The following ZBTB20 variants were observed in gnomAD, a reference collection of about 807,000 sequenced individuals.
The protein encoded by ZBTB20 is zinc finger and BTB domain containing 20, also known as zinc finger and BTB domain-containing protein 20.
In ZBTB20, 9 loss-of-function variants were observed where a neutral mutation model predicts 56.9. The observed-to-expected ratio is 0.16, with a 90% CI of 0.10 to 0.28. The LOEUF (loss-of-function observed/expected upper bound fraction) is 0.28, where lower values mean the gene tolerates loss of function less well. ZBTB20 is among the 10% of genes least tolerant of loss of function. The pLI is 1.00. For synonymous variants in ZBTB20, 417 were observed against 420.7 expected (o/e 0.99, Z 0.11); for missense variants, 655 against 1,003.0 (o/e 0.65, Z 4.69).
intron 5 of ZBTB20, among the ~76,000 whole-genome samples, chr3:114,722,363 C>G (rs1168135064): frequency 6.6e-6 from 1 of 152,122 alleles, no homozygotes; most frequent in Non-Finnish European, 1.5e-5. Context: ...AGGCTGTTAC[C>G]TCTGACAGAA....
chr3:114,325,212 C>A lies in ZBTB20; in HGVS notation c.*13793G>T, dbSNP rs752502997. The A allele has an allele frequency of 6.6e-6, 1 of 152,076 alleles. No homozygotes were observed. Among genetic ancestry groups the A allele is most frequent in the African/African-American group, 2.4e-5 (1 of 41,406 alleles). The allele number at this position is 152,076 out of a possible 1,614,324, so 9.4% of individuals were successfully genotyped here. A position where few individuals can be genotyped will look rare whatever the true frequency, so the allele number is the denominator to read the frequency against. On this transcript the variant is annotated 3_prime_UTR_variant, in exon 12 of 12. Coordinates refer to ENST00000675478, the MANE Select transcript of ZBTB20 (RefSeq NM_001348800.3). ...TCAGGAAAACTGAGGTTCAAATCAA[C>A]GGGCCTAAAGAAGAAGTTTAGCAGC...
chr3:114,375,043 A>C (rs1481065874), intron 10 of ZBTB20, among the ~76,000 whole-genome samples: 1 of 152,262 alleles, frequency 6.6e-6, no homozygotes, highest in East Asian at 1.9e-4. Flanking sequence ...AAAGCAAATC[A>C]GAGCCCTGTA....
chr3:115,120,049 A>G (rs900330797), intron 1 of ZBTB20, among the ~76,000 whole-genome samples: 4 of 152,092 alleles, frequency 2.6e-5, no homozygotes, highest in African/African-American at 9.7e-5. Flanking sequence ...TAGGTGGTGG[A>G]CAGATAATTT....
At chr3:114,792,238 A>G (rs1445258401) in intron 5 of ZBTB20, 1 of 152,206 alleles carries the variant, frequency 6.6e-6, no homozygotes, top group Non-Finnish European at 1.5e-5. Flanking sequence ...AAGATTGTTG[A>G]AAACATTTTT....
rs138168459 is a variant in ZBTB20 at position 114,911,442 on chromosome 3, C to T, written c.-455-11100G>A. On this transcript the variant is annotated intron_variant, in intron 3 of 11. Coordinates refer to ENST00000675478, the MANE Select transcript of ZBTB20 (RefSeq NM_001348800.3). ...CTCTCTCAGAGCAGTCCTGCCAGCA[C>T]AGGGAAAAAGAACTCAAAATAATGA... 8.2e-4 allele frequency among the ~76,000 whole-genome samples: 125 copies of T among 152,022 alleles called. 2 individuals are homozygous for T. In the East Asian group the frequency reaches 0.022, roughly 26 times the overall value.
At chr3:115,045,853 T>C (rs2081315232) in intron 2 of ZBTB20, among the ~76,000 whole-genome samples, 1 of 152,184 alleles carries the variant, frequency 6.6e-6, no homozygotes, top group African/African-American at 2.4e-5. Flanking sequence ...TATTTTAAGA[T>C]TCTAAGATTG....
At chr3:114,734,835 C>T (rs1446796495) in intron 5 of ZBTB20, among the ~76,000 whole-genome samples, 1 of 151,932 alleles carries the variant, frequency 6.6e-6, no homozygotes, top group Non-Finnish European at 1.5e-5. Flanking sequence ...AGGTGGGAAC[C>T]AAGCCTAGAC....
intron 7 of ZBTB20, among the ~76,000 whole-genome samples, chr3:114,463,026 AGCCAGTCACACTGGT>A (rs1264420185): frequency 6.6e-6 from 1 of 152,178 alleles, no homozygotes; most frequent in Non-Finnish European, 1.5e-5. Context: ...GTTTCCTCTG[AGCCAGTCACACTGGT>A]GCATCAGGAG....
At chr3:114,501,322 C>T (rs1030202096) in intron 6 of ZBTB20, among the ~76,000 whole-genome samples, 5 of 152,134 alleles carry the variant, frequency 3.3e-5, no homozygotes, top group Non-Finnish European at 7.4e-5. Context: ...TCTGATATTT[C>T]ACTCTTTAAA....
chr3:115,118,703 A>ATTTTTTTT lies in ZBTB20; in HGVS notation c.-703+28508_-703+28515dup, dbSNP rs35607205. Among the ~76,000 whole-genome samples the ATTTTTTTT allele has an allele frequency of 1.8e-3, 151 of 82,216 alleles. 10 individuals are homozygous for ATTTTTTTT. The highest frequency in any genetic ancestry group is 3.7e-3 in the South Asian group (7 of 1,888). The allele number at this position is 82,216 out of a possible 152,430, so 53.9% of individuals were successfully genotyped here. A position where few individuals can be genotyped will look rare whatever the true frequency, so the allele number is the denominator to read the frequency against. On this transcript the variant is annotated intron_variant, in intron 1 of 11. Coordinates refer to ENST00000675478, the MANE Select transcript of ZBTB20 (RefSeq NM_001348800.3). ...GGACCTAAAACTTTACCTGGTACAA[A>ATTTTTTTT]TTTTTTTTTTTTTTTTTTTTTTTTT...
Position 115,067,407 on chromosome 3 carries a change from T to C in ZBTB20, c.-507+3812A>G, listed in dbSNP as rs1256041459. Among the ~76,000 whole-genome samples, 6 of 152,024 alleles carry C rather than the reference T, an allele frequency of 3.9e-5. No homozygotes were observed. The East Asian group carries it at 5.8e-4, about 15-fold the overall frequency. On this transcript the variant is annotated intron_variant, in intron 2 of 11. Coordinates refer to ENST00000675478, the MANE Select transcript of ZBTB20 (RefSeq NM_001348800.3). Reference sequence around the variant, plus strand: ...ATGAGTGCCTCTTAAAAAATTTATATATATACACACATTTTTCTGCAGATC... The same window carrying C: ...ATGAGTGCCTCTTAAAAAATTTATACATATACACACATTTTTCTGCAGATC...
chr3:114,813,925 A>G (rs2072742484), intron 4 of ZBTB20, among the ~76,000 whole-genome samples: 1 of 152,200 alleles, frequency 6.6e-6, no homozygotes, highest in South Asian at 2.1e-4. Flanking sequence ...GTTCACAGTA[A>G]TAAGATGTTG....
At chr3:114,943,758 CT>C in intron 3 of ZBTB20, among the ~76,000 whole-genome samples, 1 of 144,530 alleles carries the variant, frequency 6.9e-6, no homozygotes, top group East Asian at 1.9e-4. Context: ...ACAAATATCT[CT>C]AGTCCCAGAA....
chr3:114,803,589 C>G (rs531394772), intron 4 of ZBTB20, among the ~76,000 whole-genome samples: 4 of 151,824 alleles, frequency 2.6e-5, no homozygotes, highest in Non-Finnish European at 5.9e-5. Flanking sequence ...GAATAGTGCT[C>G]CTCTTCTTAT....
intron 7 of ZBTB20, among the ~76,000 whole-genome samples, chr3:114,497,357 G>A (rs2043397895): frequency 6.6e-6 from 1 of 152,124 alleles, no homozygotes; most frequent in South Asian, 2.1e-4. Flanking sequence ...AAGGTCCTCC[G>A]TATGGCAGGC....
intron 4 of ZBTB20, among the ~76,000 whole-genome samples, chr3:114,837,999 T>C (rs2074202084): frequency 6.6e-6 from 1 of 152,206 alleles, no homozygotes; most frequent in Non-Finnish European, 1.5e-5. Context: ...ACTCAAGTAG[T>C]GACATTCAAA....
chr3:115,039,223 T>A lies in ZBTB20; in HGVS notation c.-507+31996A>T, dbSNP rs73859704. On this transcript the variant is annotated intron_variant, in intron 2 of 11. Coordinates refer to ENST00000675478, the MANE Select transcript of ZBTB20 (RefSeq NM_001348800.3). ...TACATGACCCAGAAGCACAATAATA[T>A]CCTAAGAAGGGGGAAGAGGAAGGGT... Among the ~76,000 whole-genome samples the A allele has an allele frequency of 3.8e-3, 578 of 152,038 alleles. 5 individuals carry two copies. The highest frequency in any genetic ancestry group is 0.013 in the African/African-American group (558 of 41,486).
intron 7 of ZBTB20, among the ~76,000 whole-genome samples, chr3:114,431,080 GT>G (rs778940537): frequency 3.9e-5 from 6 of 152,110 alleles, no homozygotes; most frequent in Non-Finnish European, 4.4e-5. Context: ...ATACACCCCA[GT>G]TCACGTTCTA....
chr3:114,343,083 G>GCTCATCAC (rs1250020283), intron 11 of ZBTB20, among the ~76,000 whole-genome samples: 1 of 150,990 alleles, frequency 6.6e-6, no homozygotes, highest in Non-Finnish European at 1.5e-5. Context: ...TTCAATGCCT[G>GCTCATCAC]CTCATCACCT....
Sources: gnomAD v4.1 joint callset for allele counts (sites outside exome capture counted in the v4.1 genomes callset) on GRCh38, gnomAD v4.1.1 for gene constraint, MANE v1.5 for transcripts, NCBI Gene and HGNC (gene_info 2026-07-23, HGNC 2026-07-21) for gene names.